KANK1: variants seen among roughly 807,000 people sequenced by gnomAD.
The protein encoded by KANK1 is KN motif and ankyrin repeat domains 1.
In KANK1, 109 loss-of-function variants were observed where a neutral mutation model predicts 106.2. That is an observed-to-expected ratio of 1.03 (90% CI 0.88 to 1.20). The LOEUF (loss-of-function observed/expected upper bound fraction) is 1.20. Among genes scored for constraint, KANK1 ranks in the 50% most tolerant of loss-of-function variants. The pLI is 0.00. For missense variants in KANK1, 2,399 were observed against 1,710.7 expected, an observed-to-expected ratio of 1.40 and a Z score of -7.10; for synonymous variants, 873 against 652.2, an observed-to-expected ratio of 1.34 and a Z score of -5.16.
intron 7 of KANK1, among the ~76,000 whole-genome samples, chr9:735,413 A>C (rs1314029160): frequency 2.0e-5 from 3 of 152,220 alleles, no homozygotes; most frequent in African/African-American, 7.2e-5. Context: ...TGAATGGTAC[A>C]ACATAGGACA....
At chr9:696,064 C>CA (rs201627260) in intron 2 of KANK1, among the ~76,000 whole-genome samples, 4,882 of 152,168 alleles carry the variant, frequency 0.032, 119 homozygotes, top group Non-Finnish European at 0.051. Context: ...AAGCCCGGCT[C>CA]ACGAGGCCAG....
At chr9:679,413 GA>G (rs111372766) in intron 2 of KANK1, among the ~76,000 whole-genome samples, 14 of 150,902 alleles carry the variant, frequency 9.3e-5, no homozygotes, top group East Asian at 7.8e-4. Flanking sequence ...GACACTCATA[GA>G]AAAAAAAAAT....
chr9:619,206 T>C (rs1384642078), intron 1 of KANK1, among the ~76,000 whole-genome samples: 1 of 152,180 alleles, frequency 6.6e-6, no homozygotes, highest in East Asian at 1.9e-4. Flanking sequence ...CTACAGTGCT[T>C]TTGAATTTCA....
Position 745,445 on chromosome 9 carries a change from C to T in KANK1, c.*210C>T. The T allele has an allele frequency of 5.6e-6, 3 of 533,630 alleles. No homozygotes were observed. The South Asian group carries it at 6.6e-5, about 12-fold the overall frequency. The allele number at this position is 533,630 out of a possible 1,614,324, so 33.1% of individuals were successfully genotyped here. ...CTTTCTGGCCGTCTTCTGTGTAGGG[C>T]ACACTTTAACCCAGTCTCTGTTGCT... is the stretch of plus-strand genomic sequence containing the variant. On this transcript the variant is annotated 3_prime_UTR_variant, in exon 12 of 12. Coordinates refer to ENST00000382297, the MANE Select transcript of KANK1 (RefSeq NM_015158.5).
At chr9:578,411 T>A (rs1388301621) in intron 1 of KANK1, among the ~76,000 whole-genome samples, 1 of 151,994 alleles carries the variant, frequency 6.6e-6, no homozygotes, top group East Asian at 1.9e-4. Context: ...ATTGTTGACA[T>A]GGACCACAGA....
chr9:566,510 G>T (rs573721676), intron 1 of KANK1, among the ~76,000 whole-genome samples: 3 of 152,040 alleles, frequency 2.0e-5, no homozygotes, highest in South Asian at 4.1e-4. Context: ...CTGCAACCTC[G>T]CCAGCACCTG....
chr9:521,788 G>A (rs1481181934), intron 1 of KANK1, among the ~76,000 whole-genome samples: 4 of 151,494 alleles, frequency 2.6e-5, no homozygotes, highest in Admixed American at 2.0e-4. Context: ...GGCTGGTCTC[G>A]AACTCCTGAC....
chr9:628,409 G>T (rs1003859150), intron 1 of KANK1, among the ~76,000 whole-genome samples: 2 of 152,112 alleles, frequency 1.3e-5, no homozygotes, highest in South Asian at 2.1e-4. Context: ...CTCCCAGTAG[G>T]GGGGGTTCCT....
chr9:713,146 A>C lies in KANK1; in HGVS notation c.2380A>C (p.Arg794=). Residue 794 remains arginine (R), a synonymous_variant, in exon 3 of 12, where the codon AGA becomes CGA. Transcript: ENST00000382297. ...GTTGACTGTGGGGCTGACAGCCAGC[A>C]GAAGGAGCGTGGGGGTTGGGGATGA... ...PQLTVGLTAS[R]RSVGVGDDPV... The C allele has an allele frequency of 6.3e-7, 1 of 1,595,118 alleles. No individual in the cohort carries two copies. Among genetic ancestry groups the C allele is most frequent in the Non-Finnish European group, 8.6e-7 (1 of 1,168,886 alleles).
intron 3 of KANK1, among the ~76,000 whole-genome samples, chr9:720,184 T>C (rs567215739): frequency 6.6e-6 from 1 of 152,206 alleles, no homozygotes; most frequent in South Asian, 2.1e-4. Context: ...ATGGCTGTTA[T>C]AAGTTTGAGT....
intron 1 of KANK1, among the ~76,000 whole-genome samples, chr9:603,520 T>C (rs534491377): frequency 9.9e-5 from 15 of 151,964 alleles, no homozygotes; most frequent in Non-Finnish European, 1.5e-4. Context: ...AGACATCACA[T>C]TGACATTCAG....
chr9:665,186 C>A (rs1844285182), intron 1 of KANK1, among the ~76,000 whole-genome samples: 1 of 152,138 alleles, frequency 6.6e-6, no homozygotes, highest in South Asian at 2.1e-4. Flanking sequence ...TCCCATTTGT[C>A]CATTTTCGTT....
chr9:741,649 G>A (rs111942101), intron 9 of KANK1, among the ~76,000 whole-genome samples: 18 of 152,046 alleles, frequency 1.2e-4, no homozygotes, highest in African/African-American at 2.7e-4. Context: ...CCCCACGTCC[G>A]GCTTATTTTT....
At chr9:530,728 C>T (rs1247077673) in intron 1 of KANK1, among the ~76,000 whole-genome samples, 1 of 152,140 alleles carries the variant, frequency 6.6e-6, no homozygotes, top group Non-Finnish European at 1.5e-5. Context: ...GTGGCTCATG[C>T]CTATAATCCT....
intron 2 of KANK1, among the ~76,000 whole-genome samples, chr9:679,438 G>T (rs1347115605): frequency 6.6e-6 from 1 of 151,838 alleles, no homozygotes; most frequent in Non-Finnish European, 1.5e-5. Flanking sequence ...TTTTTGAGAT[G>T]GAGTCTTGCT....
At chr9:656,792 G>C (rs1842238144) in intron 1 of KANK1, among the ~76,000 whole-genome samples, 2 of 152,078 alleles carry the variant, frequency 1.3e-5, no homozygotes, top group Admixed American at 1.3e-4. Context: ...GCTTAAGTGA[G>C]GTTTATTTCC....
Position 713,237 on chromosome 9 carries a change from A to G in KANK1, c.2471A>G (p.Asp824Gly), listed in dbSNP as rs35754868. ...CCACTTGGAATGATGACTGGCCTGG[A>G]TCACTACATTGAGCGTATCCAGAAG... is the stretch of plus-strand genomic sequence containing the variant. ...QAPLGMMTGL[D>G]HYIERIQKLL... The change falls in exon 3 of 12, where the codon GAT (aspartate) becomes GGT (glycine). Residue 824 changes from aspartate (D) to glycine (G), a missense_variant. Transcript: ENST00000382297. 8.9e-5 allele frequency: 143 copies of G among 1,605,898 alleles called. 1 individual carries two copies. In the African/African-American group the frequency reaches 1.7e-3, roughly 19 times the overall value.
intron 1 of KANK1, among the ~76,000 whole-genome samples, chr9:576,942 G>C (rs1376357938): frequency 6.6e-6 from 1 of 152,190 alleles, no homozygotes; most frequent in Non-Finnish European, 1.5e-5. Flanking sequence ...CTCACGGTGA[G>C]TGTTACAGTT....
Position 710,954 on chromosome 9 carries a change from T to A in KANK1, c.188T>A (p.Ile63Asn). Residue 63 changes from isoleucine to asparagine, a missense_variant, in exon 3 of 12, where the codon ATC becomes AAC. Transcript: ENST00000382297. ...QKGNTIKRLN[I>N]QKRRKPSVPC... ...GGAAATACCATCAAAAGACTGAACA[T>A]CCAGAAGAGGCGGAAGCCGTCCGTG... 1.2e-6 allele frequency: 2 copies of A among 1,614,096 alleles called. No individual in the cohort carries two copies. Among genetic ancestry groups the A allele is most frequent in the Non-Finnish European group, 1.7e-6 (2 of 1,180,034 alleles).
Sources: gnomAD v4.1 joint callset for allele counts (sites outside exome capture counted in the v4.1 genomes callset) on GRCh38, gnomAD v4.1.1 for gene constraint, MANE v1.5 for transcripts, NCBI Gene and HGNC (gene_info 2026-07-23, HGNC 2026-07-21) for gene names.